HPSE: variants seen among roughly 807,000 people sequenced by gnomAD.
The protein encoded by HPSE is heparanase, also known as endo-glucoronidase.
HPSE carries 48 observed loss-of-function variants against 65.1 expected under a neutral mutation model. The observed-to-expected ratio is 0.74, with a 90% CI of 0.58 to 0.94. The LOEUF (loss-of-function observed/expected upper bound fraction) is 0.94, where lower values mean the gene tolerates loss of function less well. Among genes scored for constraint, HPSE ranks in the 40% least tolerant of loss-of-function variants. The probability of loss-of-function intolerance (pLI) is 0.00; values close to 1 mark genes in which losing one functional copy is unlikely to be tolerated. For missense variants in HPSE, 644 were observed against 637.5 expected (o/e 1.01, Z -0.11); for synonymous variants, 243 against 260.0 (o/e 0.93, Z 0.63).
At position 83,322,243 on chromosome 4, in the gene HPSE, A is replaced by G; in HGVS notation, c.349T>C (p.Tyr117His). The G allele has an allele frequency of 6.2e-7, 1 of 1,613,772 alleles. No homozygotes were observed. Among genetic ancestry groups the G allele is most frequent in the Non-Finnish European group, 8.5e-7 (1 of 1,179,818 alleles). The change falls in exon 2 of 12, where the codon TAC becomes CAC. Residue 117 changes from tyrosine (Y) to histidine (H), a missense_variant. Tyr to His is a moderately conservative substitution (Grantham distance 83). Coordinates refer to ENST00000311412, the MANE Select transcript of HPSE (RefSeq NM_001098540.3). The stretch of plus-strand genomic sequence containing the variant: ...CCCTGGTTGACTTGAGATTGCCAGT[A>G]ACTTCTCTCTTCAAAGGTTGATTCC... ...KKESTFEERS[Y>H]WQSQVNQDIC...
At chr4:83,304,529 TA>T (rs1383354951) in intron 9 of HPSE, among the ~76,000 whole-genome samples, 2 of 149,876 alleles carry the variant, frequency 1.3e-5, no homozygotes, top group East Asian at 3.9e-4. Flanking sequence ...AAGTTTTTCT[TA>T]AAAAACTGCG....
In HPSE at chr4:83,310,068, C is replaced by T. The variant is rs781725820; in HGVS notation, c.853G>A (p.Ala285Thr). ...ACTGAATCAATCACTTCTCCACCAG[C>T]CTTCAGGAAGCTAGAAAAAAAATTT... Reference protein sequence around the residue: ...TAKMLKSFLKAGGEVIDSVTW... With the variant: ...TAKMLKSFLKTGGEVIDSVTW... Residue 285 changes from alanine (A) to threonine (T), a missense_variant, in exon 6 of 12, where the codon GCT becomes ACT. By Grantham distance (58) the Ala-to-Thr change is moderately conservative. Transcript: ENST00000311412. The T allele has an allele frequency of 2.7e-5, 43 of 1,610,326 alleles. No homozygotes were observed. The highest frequency in any genetic ancestry group is 1.7e-4 in the Middle Eastern group (1 of 6,046).
intron 1 of HPSE, among the ~76,000 whole-genome samples, chr4:83,329,616 C>T (rs1306297813): frequency 6.6e-6 from 1 of 152,138 alleles, no homozygotes; most frequent in Non-Finnish European, 1.5e-5. Flanking sequence ...AATATTCTCA[C>T]CATGGCTGAT....
chr4:83,299,372 A>G lies in HPSE; in HGVS notation c.1472+1588T>C, dbSNP rs1441527235. The stretch of plus-strand genomic sequence containing the variant: ...GAGTGAGACTCTGTCTCAAAAAAAA[A>G]AAAAAAAAAAAAAAAAAGAAGAAAG... On this transcript the variant is annotated intron_variant, in intron 11 of 11. Coordinates refer to ENST00000311412, the MANE Select transcript of HPSE (RefSeq NM_001098540.3). 2.4e-4 allele frequency among the ~76,000 whole-genome samples: 36 copies of G among 147,744 alleles called. 1 individual carries two copies. The highest frequency in any genetic ancestry group is 4.2e-4 in the South Asian group (2 of 4,738).
At chr4:83,312,662 A>T (rs1348132931) in intron 4 of HPSE, among the ~76,000 whole-genome samples, 58 of 115,548 alleles carry the variant, frequency 5.0e-4, no homozygotes, top group Middle Eastern at 6.8e-3. Context: ...TGGGCGACAG[A>T]GCGAGACTCC....
chr4:83,299,225 G>A (rs969711479), intron 11 of HPSE, among the ~76,000 whole-genome samples: 3 of 151,806 alleles, frequency 2.0e-5, no homozygotes, highest in Admixed American at 6.6e-5. Flanking sequence ...TTAGCCAGGC[G>A]TGGTGATGCA....
Position 83,308,919 on chromosome 4 carries a change from G to A in HPSE, c.1017C>T (p.Val339=). Residue 339 remains valine (V), a synonymous_variant, in exon 8 of 12, where the codon GTC becomes GTT. Coordinates refer to ENST00000311412, the MANE Select transcript of HPSE (RefSeq NM_001098540.3). ...VVESTRPGKK[V]WLGETSSAYG... is the part of the protein sequence containing the mutation. ...ATGCAGAGCTTGTTTCTCCTAACCA[G>A]ACCTTCTTGCCAGGCCTGGTGCTCT... 2 of 1,614,178 alleles carry A rather than the reference G, an allele frequency of 1.2e-6. No individual in the cohort carries two copies. The highest frequency in any genetic ancestry group is 8.5e-7 in the Non-Finnish European group (1 of 1,180,014).
chr4:83,300,732 G>A (rs1221440994), intron 11 of HPSE, among the ~76,000 whole-genome samples: 3 of 34,280 alleles, frequency 8.8e-5, no homozygotes, highest in Admixed American at 3.9e-4. Context: ...GGAGAATGGC[G>A]TGAACCCGGG....
At chr4:83,313,362 G>A in intron 3 of HPSE, 75 bp from the exon 4 acceptor site, 3 of 880,024 alleles carry the variant, frequency 3.4e-6, no homozygotes, top group Non-Finnish European at 5.1e-6. Context: ...TTTTCATAAT[G>A]AATAACTATT....
In HPSE at chr4:83,298,199, A is replaced by C. The variant is rs540194631; in HGVS notation, c.1473-2696T>G. 5.3e-5 allele frequency among the ~76,000 whole-genome samples: 8 copies of C among 152,356 alleles called. No individual in the cohort carries two copies. The East Asian group carries it at 1.5e-3, about 29-fold the overall frequency. On this transcript the variant is annotated intron_variant, in intron 11 of 11. Transcript: ENST00000311412. Reference sequence around the variant, plus strand: ...TATTTTATATTCTGAAGTCAATAACATGACGACAAAGAAATAGAAGATGTT... The same window carrying C: ...TATTTTATATTCTGAAGTCAATAACCTGACGACAAAGAAATAGAAGATGTT...
intron 3 of HPSE, among the ~76,000 whole-genome samples, chr4:83,314,202 G>A (rs151294609): frequency 0.012 from 1,714 of 147,554 alleles, 30 homozygotes; most frequent in African/African-American, 0.04. Context: ...AGGCTGCAGT[G>A]AGCCATGATC....
In HPSE at chr4:83,295,564, C is replaced by T. The variant is rs1735694211; in HGVS notation, c.1473-61G>A. 3 of 1,340,574 alleles carry T rather than the reference C, an allele frequency of 2.2e-6. No homozygotes were observed. The East Asian group carries it at 7.6e-5, about 34-fold the overall frequency. The allele number at this position is 1,340,574 out of a possible 1,614,324, so 83.0% of individuals were successfully genotyped here. A position where few individuals can be genotyped will look rare whatever the true frequency, so the allele number is the denominator to read the frequency against. ...GGTGCATGCCCCACCCATGCTGCTA[C>T]AAAAGTCATGAAATCTTTTTTAGAC... On this transcript the variant is annotated intron_variant, in intron 11 of 11. Coordinates refer to ENST00000311412, the MANE Select transcript of HPSE (RefSeq NM_001098540.3).
At chr4:83,321,206 C>A (rs1736877758) in intron 2 of HPSE, among the ~76,000 whole-genome samples, 1 of 151,956 alleles carries the variant, frequency 6.6e-6, no homozygotes, top group African/African-American at 2.4e-5. Flanking sequence ...TAAAAAAACG[C>A]CCCCAAAACA....
At chr4:83,323,371 C>A (rs1177010804) in intron 1 of HPSE, among the ~76,000 whole-genome samples, 2 of 152,080 alleles carry the variant, frequency 1.3e-5, no homozygotes, top group Non-Finnish European at 2.9e-5. Flanking sequence ...AGAACAAACA[C>A]CTCTCTGGTG....
intron 2 of HPSE, among the ~76,000 whole-genome samples, chr4:83,320,976 G>A (rs901081252): frequency 6.6e-6 from 1 of 152,226 alleles, no homozygotes; most frequent in Non-Finnish European, 1.5e-5. Context: ...AAGGCAGGGG[G>A]ATCACTTGAG....
chr4:83,301,938 C>T (rs567168968), intron 10 of HPSE, among the ~76,000 whole-genome samples: 5 of 152,048 alleles, frequency 3.3e-5, no homozygotes, highest in African/African-American at 4.8e-5. Flanking sequence ...GCCTGGGTGA[C>T]GAGCGAGGCC....
chr4:83,320,174 C>G (rs1010602844), intron 2 of HPSE, among the ~76,000 whole-genome samples: 10 of 152,184 alleles, frequency 6.6e-5, no homozygotes, highest in Admixed American at 2.0e-4. Context: ...TTTCCTCTTG[C>G]CATCATGGGA....
At chr4:83,315,584 G>A (rs1021125704) in intron 3 of HPSE, among the ~76,000 whole-genome samples, 14 of 152,156 alleles carry the variant, frequency 9.2e-5, no homozygotes, top group African/African-American at 3.1e-4. Flanking sequence ...GTTGTAGGAA[G>A]TGCCCTGGAT....
chr4:83,333,418 C>T (rs1385870983), intron 1 of HPSE, among the ~76,000 whole-genome samples: 1 of 152,210 alleles, frequency 6.6e-6, no homozygotes, highest in Non-Finnish European at 1.5e-5. Flanking sequence ...TTAACCAGTA[C>T]ACTACCCATT....
Sources: allele counts gnomAD v4.1 joint callset (sites outside exome capture counted in the v4.1 genomes callset), GRCh38; gene constraint gnomAD v4.1.1; transcripts MANE v1.5; gene names NCBI Gene and HGNC (gene_info 2026-07-23, HGNC 2026-07-21).